Variants in IARS2 observed in about 807,000 individuals in gnomAD.
The protein encoded by IARS2 is isoleucyl-tRNA synthetase 2, mitochondrial, also known as isoleucine--tRNA ligase, mitochondrial.
Under a neutral mutation model 126.3 loss-of-function variants are expected in IARS2, and 56 were observed. That is an observed-to-expected ratio of 0.44 (90% confidence interval 0.36 to 0.55). IARS2 has a LOEUF of 0.55. Among genes scored for constraint, IARS2 ranks in the 20% least tolerant of loss-of-function variants. IARS2 has a pLI of 0.00. For missense variants in IARS2, 1,127 were observed against 1,245.9 expected (o/e 0.90, Z 1.44); for synonymous variants, 407 against 441.1 (o/e 0.92, Z 0.97).
chr1:220,137,736 C>T, intron 16 of IARS2, 182 bp from the exon 17 acceptor site: 1 of 594,822 alleles, frequency 1.7e-6, no homozygotes, highest in Non-Finnish European at 2.9e-6. Context: ...TTTCTTTTTC[C>T]AGTTTTGTTT....
At chr1:220,103,303 C>T (rs998169593) in intron 7 of IARS2, 144 bp from the exon 8 acceptor site, 33 of 565,020 alleles carry the variant, frequency 5.8e-5, no homozygotes, top group African/African-American at 5.8e-4. Flanking sequence ...CTGCCTTGGC[C>T]TCCCAAAGTG....
chr1:220,118,227 A>G (rs765866709), intron 12 of IARS2: 18 of 494,566 alleles, frequency 3.6e-5, no homozygotes, highest in Non-Finnish European at 6.7e-5. Flanking sequence ...TTGCTGTTAC[A>G]CTTGATAACA....
At chr1:220,131,925 G>A (rs1340802478) in intron 14 of IARS2, among the ~76,000 whole-genome samples, 6 of 151,262 alleles carry the variant, frequency 4.0e-5, no homozygotes. Flanking sequence ...AGCCTCCCGA[G>A]TAGCTGCGAC....
intron 8 of IARS2, 102 bp downstream of exon 8, chr1:220,103,664 G>T: frequency 2.9e-6 from 2 of 678,164 alleles, no homozygotes; most frequent in Non-Finnish European, 5.3e-6. Flanking sequence ...AACAGATATG[G>T]CCTCTACCTT....
At chr1:220,139,262 G>T in intron 18 of IARS2, 123 bp downstream of exon 18, 1 of 609,822 alleles carries the variant, frequency 1.6e-6, no homozygotes, top group South Asian at 3.6e-5. Flanking sequence ...CTCTTGAAGA[G>T]AAATATGTCC....
At chr1:220,121,118 G>A (rs113217750) in intron 12 of IARS2, among the ~76,000 whole-genome samples, 146 of 152,198 alleles carry the variant, frequency 9.6e-4, no homozygotes, top group African/African-American at 3.4e-3. Context: ...TCTGAAGTAT[G>A]TTGTTTTATT....
At chr1:220,102,061 A>G (rs1571844895) in intron 3 of IARS2, 68 bp from the exon 4 acceptor site, 1 of 1,433,358 alleles carries the variant, frequency 7.0e-7, no homozygotes, top group Non-Finnish European at 9.6e-7. Context: ...AGAGAGATAC[A>G]TGCTAAACCA....
intron 12 of IARS2, among the ~76,000 whole-genome samples, chr1:220,122,277 T>C (rs1657066283): frequency 6.6e-6 from 1 of 152,200 alleles, no homozygotes; most frequent in South Asian, 2.1e-4. Context: ...TTCCTGTCAT[T>C]TTCCAGTTAA....
At chr1:220,133,287 C>T (rs1488831637) in intron 14 of IARS2, among the ~76,000 whole-genome samples, 2 of 151,984 alleles carry the variant, frequency 1.3e-5, no homozygotes, top group African/African-American at 4.8e-5. Context: ...GTTACAGGCA[C>T]GAGACACTGC....
chr1:220,139,979 A>G (rs1657453756), intron 18 of IARS2, among the ~76,000 whole-genome samples: 1 of 152,212 alleles, frequency 6.6e-6, no homozygotes, highest in African/African-American at 2.4e-5. Context: ...CGTAGTTCTC[A>G]GAGTAAAATA....
At chr1:220,103,616 G>A in intron 8 of IARS2, 54 bp downstream of exon 8, 1 of 1,102,388 alleles carries the variant, frequency 9.1e-7, no homozygotes, top group Non-Finnish European at 1.4e-6. Flanking sequence ...GGGCTGACTT[G>A]AATTTACTAC....
chr1:220,113,658 T>G lies in IARS2; in HGVS notation c.1480-656T>G, dbSNP rs181819574. ...ATATATAGAGAGAGAGAGAGATTTA[T>G]TTTAGAGACAGGCTCTTGCTCTGTC... is the stretch of plus-strand genomic sequence containing the variant. On this transcript the variant is annotated intron_variant, in intron 11 of 22. Coordinates refer to ENST00000366922, the MANE Select transcript of IARS2 (RefSeq NM_018060.4). Among the ~76,000 whole-genome samples the G allele has an allele frequency of 6.4e-3, 979 of 152,216 alleles. 1 individual carries two copies. Among genetic ancestry groups the G allele is most frequent in the Middle Eastern group, 0.014 (4 of 294 alleles).
intron 20 of IARS2, among the ~76,000 whole-genome samples, chr1:220,142,595 G>A (rs1223167544): frequency 1.3e-5 from 2 of 152,138 alleles, no homozygotes; most frequent in Admixed American, 1.3e-4. Flanking sequence ...ATTGTATTAA[G>A]TTTATAAAAA....
chr1:220,131,631 C>T (rs1233456555), intron 14 of IARS2, among the ~76,000 whole-genome samples: 2 of 152,028 alleles, frequency 1.3e-5, no homozygotes, highest in Non-Finnish European at 2.9e-5. Flanking sequence ...GGATTACAGG[C>T]GTGAGCCACT....
At chr1:220,121,553 A>G (rs1657051517) in intron 12 of IARS2, among the ~76,000 whole-genome samples, 1 of 152,206 alleles carries the variant, frequency 6.6e-6, no homozygotes. Flanking sequence ...GTAGTTAAAT[A>G]ACATTTAAAA....
intron 9 of IARS2, 61 bp from the exon 10 acceptor site, chr1:220,107,000 C>T (rs1656695142): frequency 3.7e-6 from 4 of 1,068,962 alleles, no homozygotes; most frequent in Admixed American, 3.4e-5. Flanking sequence ...ATTGTTTTGC[C>T]AGATATTGTC....
intron 3 of IARS2, among the ~76,000 whole-genome samples, chr1:220,101,862 G>T (rs1222962044): frequency 1.3e-5 from 2 of 151,896 alleles, no homozygotes; most frequent in African/African-American, 4.8e-5. Context: ...TTAGCCGGGC[G>T]TGGTGGCGGG....
rs368889966 is a variant in IARS2 at position 220,117,746 on chromosome 1, G to A, written c.1640+3272G>A. On this transcript the variant is annotated intron_variant, in intron 12 of 22. Transcript: ENST00000366922. Reference sequence around the variant, plus strand: ...TCAGAAAAACACAAGTTTTCATTAGGTATATTTATGTTTTATTTACTCAAT... The same window carrying A: ...TCAGAAAAACACAAGTTTTCATTAGATATATTTATGTTTTATTTACTCAAT... The A allele has an allele frequency of 1.0e-3, 428 of 424,946 alleles. 3 individuals carry two copies. Among genetic ancestry groups the A allele is most frequent in the South Asian group, 7.3e-3 (401 of 54,664 alleles). The allele number at this position is 424,946 out of a possible 1,614,324, so 26.3% of individuals were successfully genotyped here.
At chr1:220,131,278 G>T (rs1022929233) in intron 14 of IARS2, among the ~76,000 whole-genome samples, 1 of 152,114 alleles carries the variant, frequency 6.6e-6, no homozygotes, top group Non-Finnish European at 1.5e-5. Flanking sequence ...CCGAGTTCTA[G>T]TGATTCTCCT....
Sources: gnomAD v4.1 joint callset for allele counts (sites outside exome capture counted in the v4.1 genomes callset) on GRCh38, gnomAD v4.1.1 for gene constraint, MANE v1.5 for transcripts, NCBI Gene and HGNC (gene_info 2026-07-23, HGNC 2026-07-21) for gene names.